Variants in NRXN3 observed in about 807,000 individuals in gnomAD.
NRXN3 encodes the protein neurexin III.
A neutral mutation model predicts 137.6 loss-of-function variants in NRXN3; 32 were observed. The ratio of observed to expected loss-of-function variants is 0.23; its 90% confidence interval spans 0.18 to 0.31. The LOEUF (loss-of-function observed/expected upper bound fraction) is 0.31. NRXN3 is among the 10% of genes least tolerant of loss of function. The probability of loss-of-function intolerance (pLI) is 1.00; values close to 1 mark genes in which losing one functional copy is unlikely to be tolerated. For missense variants in NRXN3, 1,574 were observed against 2,062.5 expected (o/e 0.76, Z 4.59); for synonymous variants, 798 against 784.5 (o/e 1.02, Z -0.29).
At chr14:79,603,791 A>G (rs1304003573) in intron 16 of NRXN3, among the ~76,000 whole-genome samples, 2 of 152,208 alleles carry the variant, frequency 1.3e-5, no homozygotes, top group Admixed American at 6.5e-5. Flanking sequence ...AAAATGAATT[A>G]TCAGAGTTTA....
chr14:78,469,896 G>A (rs753362908), intron 4 of NRXN3, among the ~76,000 whole-genome samples: 5 of 152,092 alleles, frequency 3.3e-5, no homozygotes, highest in East Asian at 1.9e-4. Flanking sequence ...ATTTTGTCCC[G>A]TTAGTCTGAG....
chr14:79,693,458 G>C (rs1248807045), intron 18 of NRXN3, among the ~76,000 whole-genome samples: 2 of 151,804 alleles, frequency 1.3e-5, no homozygotes, highest in African/African-American at 2.4e-5. Context: ...AAATAATTTT[G>C]TTTAGTAATC....
At chr14:79,164,184 A>C (rs186993431) in intron 15 of NRXN3, among the ~76,000 whole-genome samples, 2 of 152,052 alleles carry the variant, frequency 1.3e-5, no homozygotes, top group East Asian at 3.9e-4. Context: ...ACTCTTCTCC[A>C]CTGTAATTCT....
chr14:79,127,126 G>A (rs2056649439), intron 15 of NRXN3, among the ~76,000 whole-genome samples: 1 of 152,034 alleles, frequency 6.6e-6, no homozygotes, highest in South Asian at 2.1e-4. Context: ...TTTGTGGGTT[G>A]CCCGTTCACT....
At chr14:78,357,272 G>A (rs2084450312) in intron 4 of NRXN3, among the ~76,000 whole-genome samples, 1 of 152,106 alleles carries the variant, frequency 6.6e-6, no homozygotes, top group Admixed American at 6.6e-5. Flanking sequence ...AACTTGTGCG[G>A]GCAAACTCCC....
chr14:79,164,761 T>A (rs984856908), intron 15 of NRXN3, among the ~76,000 whole-genome samples: 1 of 151,934 alleles, frequency 6.6e-6, no homozygotes, highest in Non-Finnish European at 1.5e-5. Flanking sequence ...CTCAGAAAAA[T>A]GCATAGTAAT....
At chr14:78,598,630 G>GT (rs1445152093) in intron 4 of NRXN3, among the ~76,000 whole-genome samples, 9 of 152,282 alleles carry the variant, frequency 5.9e-5, no homozygotes, top group African/African-American at 1.9e-4. Context: ...TCATTATGTG[G>GT]TTTTCCAATT....
intron 10 of NRXN3, among the ~76,000 whole-genome samples, chr14:78,843,776 T>C (rs2099019235): frequency 6.6e-6 from 1 of 152,154 alleles, no homozygotes; most frequent in Admixed American, 6.6e-5. Flanking sequence ...GAATCAAATA[T>C]GAAGAACAGT....
chr14:79,311,720 G>A (rs1302094624), intron 15 of NRXN3, among the ~76,000 whole-genome samples: 42 of 90,130 alleles, frequency 4.7e-4, no homozygotes, highest in African/African-American at 9.1e-4. Flanking sequence ...GTTTATTTGC[G>A]TAGAGGTGTT....
chr14:79,562,617 T>C (rs1026038916), intron 16 of NRXN3, among the ~76,000 whole-genome samples: 1 of 152,178 alleles, frequency 6.6e-6, no homozygotes, highest in Admixed American at 6.5e-5. Context: ...TAATTACCAA[T>C]GATAAAAGTA....
chr14:79,462,978 T>A lies in NRXN3; in HGVS notation c.3263-4243T>A, dbSNP rs574647655. On this transcript the variant is annotated intron_variant, in intron 15 of 20. Transcript: ENST00000335750. Reference sequence around the variant, plus strand: ...TCTTAAGACAAGAATTCTATTTCTGTTGATAGTCTCCCAGAAAAAGTAATA... The same window carrying A: ...TCTTAAGACAAGAATTCTATTTCTGATGATAGTCTCCCAGAAAAAGTAATA... 9.6e-5 allele frequency among the ~76,000 whole-genome samples: 14 copies of A among 145,632 alleles called. No individual in the cohort carries two copies. In the South Asian group the frequency reaches 2.5e-3, roughly 26 times the overall value.
chr14:79,368,367 A>G (rs2093974891), intron 15 of NRXN3, among the ~76,000 whole-genome samples: 1 of 152,182 alleles, frequency 6.6e-6, no homozygotes, highest in Non-Finnish European at 1.5e-5. Flanking sequence ...TTAAATACCT[A>G]CTTTTTGCCA....
chr14:78,465,850 T>G (rs1000788881), intron 4 of NRXN3, among the ~76,000 whole-genome samples: 7 of 149,382 alleles, frequency 4.7e-5, no homozygotes, highest in Non-Finnish European at 7.4e-5. Context: ...TTTTTTTAAA[T>G]TTTTATTTAT....
intron 4 of NRXN3, among the ~76,000 whole-genome samples, chr14:78,359,628 C>T (rs1031489087): frequency 7.2e-5 from 11 of 152,156 alleles, no homozygotes; most frequent in African/African-American, 2.7e-4. Context: ...AGCAACATGT[C>T]AATCAAGCAA....
intron 6 of NRXN3, chr14:78,697,725 G>A (rs2098241113): frequency 6.6e-6 from 1 of 151,720 alleles, no homozygotes. Context: ...ACCTTTTTTG[G>A]AAAAAAATTA....
intron 15 of NRXN3, among the ~76,000 whole-genome samples, chr14:79,093,256 G>C (rs1235311991): frequency 1.3e-5 from 2 of 152,148 alleles, no homozygotes; most frequent in Non-Finnish European, 2.9e-5. Flanking sequence ...CATCTAATTG[G>C]AATATGGAAG....
chr14:79,687,925 T>C (rs2098701748), intron 17 of NRXN3, among the ~76,000 whole-genome samples: 1 of 152,180 alleles, frequency 6.6e-6, no homozygotes, highest in African/African-American at 2.4e-5. Context: ...TGTTAGAAGA[T>C]ACAGAAACAT....
intron 10 of NRXN3, among the ~76,000 whole-genome samples, chr14:78,923,173 G>C (rs1032364668): frequency 6.6e-6 from 1 of 152,314 alleles, no homozygotes; most frequent in South Asian, 2.1e-4. Flanking sequence ...CCTTCTCATG[G>C]TTGAGCACAC....
At chr14:78,549,080 A>T (rs1006337005) in intron 4 of NRXN3, among the ~76,000 whole-genome samples, 11 of 152,118 alleles carry the variant, frequency 7.2e-5, no homozygotes, top group Admixed American at 5.9e-4. Context: ...GCGAGCGAAG[A>T]TTTGAGGGCC....
Sources: gnomAD v4.1 joint callset for allele counts (sites outside exome capture counted in the v4.1 genomes callset) on GRCh38, gnomAD v4.1.1 for gene constraint, MANE v1.5 for transcripts, NCBI Gene and HGNC (gene_info 2026-07-23, HGNC 2026-07-21) for gene names.